The following CUL4B variants were observed in gnomAD, a reference collection of about 807,000 sequenced individuals.
CUL4B encodes cullin-4B.
A neutral mutation model predicts 69.2 loss-of-function variants in CUL4B; 1 was observed. That is an observed-to-expected ratio of 0.01 (90% CI 0.01 to 0.07). CUL4B has a LOEUF of 0.07. Among genes scored for constraint, CUL4B ranks in the 10% least tolerant of loss-of-function variants. The probability of loss-of-function intolerance (pLI) is 1.00; values close to 1 mark genes in which losing one functional copy is unlikely to be tolerated. For missense variants in CUL4B, 328 were observed against 638.8 expected, an observed-to-expected ratio of 0.51 and a Z score of 5.24; for synonymous variants, 237 against 223.2, an observed-to-expected ratio of 1.06 and a Z score of -0.55.
intron 1 of CUL4B, among the ~76,000 whole-genome samples, chrX:120,574,866 G>A (rs1423041632): frequency 1.8e-5 from 2 of 111,971 alleles, no homozygotes; most frequent in African/African-American, 3.2e-5. Flanking sequence ...ATTTGGCAGG[G>A]AAAACACATT....
intron 12 of CUL4B, 88 bp from the exon 13 acceptor site, chrX:120,538,858 T>C: frequency 1.8e-6 from 1 of 547,791 alleles, no homozygotes. Context: ...AGCACACCAT[T>C]ATTCCAAGTT....
chrX:120,544,237 T>C (rs1418044963), intron 6 of CUL4B, 34 bp from the exon 7 acceptor site: 2 of 1,010,119 alleles, frequency 2.0e-6, no homozygotes, highest in East Asian at 3.1e-5. Flanking sequence ...AGATCATTTA[T>C]TTAGCAAATA....
chrX:120,534,204 T>C (rs1015178836), intron 17 of CUL4B, among the ~76,000 whole-genome samples: 1 of 104,994 alleles, frequency 9.5e-6, no homozygotes, highest in Non-Finnish European at 2.0e-5. Flanking sequence ...ACCCTGTCTC[T>C]ACAAAAAAAA....
chrX:120,567,884 A>C (rs1050314965), downstream of CUL4B, among the ~76,000 whole-genome samples: 1 of 110,134 alleles, frequency 9.1e-6, no homozygotes, highest in Non-Finnish European at 1.9e-5. Context: ...AAAAAAAAAA[A>C]AACAGCTCTC....
intron 2 of CUL4B, among the ~76,000 whole-genome samples, chrX:120,548,747 T>C (rs1924492496): frequency 9.1e-6 from 1 of 110,035 alleles, no homozygotes; most frequent in Non-Finnish European, 1.9e-5. Context: ...GGCAGGAGAA[T>C]TGCTTGAACC....
At position 120,560,923 on chromosome X, in the gene CUL4B, C is replaced by G; in HGVS notation, c.-285G>C. 3 of 752,892 alleles carry G rather than the reference C, an allele frequency of 4.0e-6. No homozygotes were observed. Among genetic ancestry groups the G allele is most frequent in the Non-Finnish European group, 4.7e-6 (3 of 638,657 alleles). 62.0% of individuals were successfully genotyped at this position (752,892 alleles called of 1,213,427 possible). ...CCGTCCCCCTCCCCTGCTTTTCGAT[C>G]TCTCTCCCCCCCTTTCTGCAGGAGC... is the stretch of plus-strand genomic sequence containing the variant. On this transcript the variant is annotated 5_prime_UTR_variant, in exon 1 of 20. Transcript: ENST00000371322.
In CUL4B at chrX:120,528,279, C is replaced by T. The variant is rs1013998397; in HGVS notation, c.2593-1423G>A. ...AGAATTAGCCAGGTGTGGTGGTGGG[C>T]GCCTGTAGTCTCAGCTACCAGGGAG... On this transcript the variant is annotated intron_variant, in intron 19 of 19. Transcript: ENST00000371322. Among the ~76,000 whole-genome samples the T allele has an allele frequency of 2.7e-5, 3 of 109,127 alleles. No homozygotes were observed. In the East Asian group the frequency reaches 8.5e-4, roughly 31 times the overall value. The allele number at this position is 109,127 out of a possible 115,157, so 94.8% of individuals were successfully genotyped here.
At chrX:120,534,316 C>T (rs868702868) in intron 17 of CUL4B, among the ~76,000 whole-genome samples, 165 bp downstream of exon 17, 1 of 106,962 alleles carries the variant, frequency 9.3e-6, no homozygotes, top group Non-Finnish European at 1.9e-5. Flanking sequence ...GATTGTACCA[C>T]TGGACCCCAG....
chrX:120,532,620 A>G (rs1169761163), intron 17 of CUL4B, 26 bp from the exon 18 acceptor site: 1 of 1,152,289 alleles, frequency 8.7e-7, no homozygotes, highest in South Asian at 1.8e-5. Context: ...AGGTTTAGTT[A>G]TTTGTTACCA....
chrX:120,558,110 A>G, intron 1 of CUL4B, 71 bp from the exon 2 acceptor site: 1 of 610,991 alleles, frequency 1.6e-6, no homozygotes, highest in South Asian at 2.4e-5. Flanking sequence ...CATAAAATAT[A>G]ATAGCATTAC....
chrX:120,566,369 A>ATATATATATGTATATATATG (rs1556253206), upstream of CUL4B, among the ~76,000 whole-genome samples: 60 of 56,464 alleles, frequency 1.1e-3, 4 homozygotes, highest in East Asian at 0.013. Flanking sequence ...ATATATATAT[A>ATATATATATGTATATATATG]TATATATATA....
intron 3 of CUL4B, among the ~76,000 whole-genome samples, 159 bp from the exon 4 acceptor site, chrX:120,546,775 G>GA (rs1161600824): frequency 1.4e-4 from 15 of 104,620 alleles, no homozygotes; most frequent in South Asian, 8.0e-4. Flanking sequence ...ATTTGTAAAA[G>GA]AAAAAAAAAA....
chrX:120,539,921 G>A lies in CUL4B; in HGVS notation c.1636+449C>T, dbSNP rs1014954008. Among the ~76,000 whole-genome samples the A allele has an allele frequency of 4.5e-5, 5 of 111,590 alleles. No homozygotes were observed. In the Admixed American group the frequency reaches 4.8e-4, roughly 11 times the overall value. ...GGTTACCTCCTCCTCTGACACTAAGGGTACTTGGGTGGAAAAACCTGAGAA... is the reference window on the plus strand; with the variant it reads ...GGTTACCTCCTCCTCTGACACTAAGAGTACTTGGGTGGAAAAACCTGAGAA... On this transcript the variant is annotated intron_variant, in intron 11 of 19. Transcript: ENST00000371322.
chrX:120,534,838 T>C (rs1923558034), intron 16 of CUL4B, among the ~76,000 whole-genome samples: 1 of 111,307 alleles, frequency 9.0e-6, no homozygotes, highest in South Asian at 3.7e-4. Context: ...AATACAGTAA[T>C]GAAAATTAAT....
Position 120,560,163 on chromosome X carries a change from G to A in CUL4B, c.476C>T (p.Ala159Val). 8.3e-7 allele frequency: 1 copy of A among 1,211,726 alleles called. No individual in the cohort carries two copies. The highest frequency in any genetic ancestry group is 1.1e-6 in the Non-Finnish European group (1 of 895,458). The change falls in exon 1 of 20, where the codon GCC becomes GTC. Residue 159 changes from alanine to valine, a missense_variant. By Grantham distance (64) the Ala-to-Val change is moderately conservative (BLOSUM62 0). This residue lies in a region of CUL4B where 102 missense variants were observed against 122.1 expected (regional missense o/e 0.84). Coordinates refer to ENST00000371322, the MANE Select transcript of CUL4B (RefSeq NM_001079872.2). Reference protein sequence around the residue: ...VASVHHANGLAKSSTTVSSFA... With the variant: ...VASVHHANGLVKSSTTVSSFA... ...GCTAGAGACGGTGGTAGAAGATTTGGCTAGGCCGTTTGCATGATGCACCGA... is the reference window on the plus strand; with the variant it reads ...GCTAGAGACGGTGGTAGAAGATTTGACTAGGCCGTTTGCATGATGCACCGA...
chrX:120,531,333 T>G (rs1457630761), intron 18 of CUL4B, among the ~76,000 whole-genome samples: 1 of 109,205 alleles, frequency 9.2e-6, no homozygotes, highest in African/African-American at 3.3e-5. Flanking sequence ...AAAAAAAATT[T>G]TTTTTTTTTC....
At chrX:120,566,345 GTATATATA>G (rs537274243), upstream of CUL4B, among the ~76,000 whole-genome samples, 3,125 of 40,745 alleles carry the variant, frequency 0.077, 188 homozygotes, top group Middle Eastern at 0.16. Flanking sequence ...GTGTGTATAG[GTATATATA>G]TATATATATA....
chrX:120,531,382 G>A lies in CUL4B; in HGVS notation c.2439+1040C>T, dbSNP rs761012081. Among the ~76,000 whole-genome samples, 5 of 108,609 alleles carry A rather than the reference G, an allele frequency of 4.6e-5. No individual in the cohort carries two copies. The South Asian group carries it at 2.0e-3, about 44-fold the overall frequency. 94.3% of individuals were successfully genotyped at this position (108,609 alleles called of 115,157 possible). A position where few individuals can be genotyped will look rare whatever the true frequency, so the allele number is the denominator to read the frequency against. ...AACCTTATTGGAACTGAAACCATCAGTTTCAGGATGCTGCAGTTGGAAGTC... is the reference window on the plus strand; with the variant it reads ...AACCTTATTGGAACTGAAACCATCAATTTCAGGATGCTGCAGTTGGAAGTC... On this transcript the variant is annotated intron_variant, in intron 18 of 19. Transcript: ENST00000371322.
intron 19 of CUL4B, among the ~76,000 whole-genome samples, chrX:120,527,201 A>T (rs1262672701): frequency 9.2e-6 from 1 of 109,113 alleles, no homozygotes; most frequent in Non-Finnish European, 1.9e-5. Flanking sequence ...CTGGGACTAG[A>T]CACAAGCCAC....
Sources: allele counts gnomAD v4.1 joint callset (sites outside exome capture counted in the v4.1 genomes callset), GRCh38; gene constraint gnomAD v4.1.1; regional missense constraint gnomAD v4.1.1; transcripts MANE v1.5; gene names NCBI Gene and HGNC (gene_info 2026-07-23, HGNC 2026-07-21).